ZMAT4: variants seen among roughly 807,000 people sequenced by gnomAD.
ZMAT4 encodes zinc finger matrin-type protein 4.
A neutral mutation model predicts 28.7 loss-of-function variants in ZMAT4; 17 were observed. The ratio of observed to expected loss-of-function variants is 0.59; its 90% confidence interval spans 0.41 to 0.89. ZMAT4 has a LOEUF of 0.89. Ranked by LOEUF, ZMAT4 falls within the 40% of genes least tolerant of loss-of-function variation. ZMAT4 has a pLI of 0.00. For synonymous variants in ZMAT4, 117 were observed against 109.2 expected (o/e 1.07, Z -0.44); for missense variants, 240 against 283.8 (o/e 0.85, Z 1.11).
chr8:40,540,605 G>T (rs80174014), intron 6 of ZMAT4, among the ~76,000 whole-genome samples: 1 of 152,138 alleles, frequency 6.6e-6, no homozygotes, highest in South Asian at 2.1e-4. Context: ...TTCCTTCTAG[G>T]TATTAAACCT....
At chr8:40,710,764 G>A (rs1164351261) in intron 3 of ZMAT4, among the ~76,000 whole-genome samples, 2 of 151,294 alleles carry the variant, frequency 1.3e-5, no homozygotes, top group Non-Finnish European at 2.9e-5. Flanking sequence ...GAGACAATTG[G>A]ATCTTTAAAA....
intron 1 of ZMAT4, among the ~76,000 whole-genome samples, chr8:40,849,858 G>A (rs2150634266): frequency 1.3e-5 from 2 of 152,258 alleles, no homozygotes; most frequent in South Asian, 4.1e-4. Flanking sequence ...AACCTCACTT[G>A]AGCCCAAAGA....
At chr8:40,570,422 C>T (rs527331595) in intron 6 of ZMAT4, among the ~76,000 whole-genome samples, 101 of 152,246 alleles carry the variant, frequency 6.6e-4, no homozygotes, top group African/African-American at 2.3e-3. Flanking sequence ...TGTGGGGCCA[C>T]GTGCAGTGGC....
intron 5 of ZMAT4, among the ~76,000 whole-genome samples, chr8:40,668,035 T>C (rs1808502880): frequency 6.6e-6 from 1 of 152,150 alleles, no homozygotes; most frequent in African/African-American, 2.4e-5. Flanking sequence ...AGTGAATTCA[T>C]TGTATGACAA....
At chr8:40,767,585 G>A (rs1813215739) in intron 3 of ZMAT4, 56 bp downstream of exon 3, 3 of 1,478,148 alleles carry the variant, frequency 2.0e-6, no homozygotes, top group African/African-American at 1.4e-5. Flanking sequence ...CACCTGCAAA[G>A]TTCTCAGTAC....
intron 5 of ZMAT4, among the ~76,000 whole-genome samples, chr8:40,657,383 T>C (rs1807974276): frequency 6.6e-6 from 1 of 152,134 alleles, no homozygotes; most frequent in African/African-American, 2.4e-5. Context: ...AATTCTTTAG[T>C]TTTTGTTGAT....
intron 3 of ZMAT4, among the ~76,000 whole-genome samples, chr8:40,730,215 C>A (rs986497303): frequency 2.0e-5 from 3 of 152,102 alleles, no homozygotes; most frequent in African/African-American, 7.2e-5. Context: ...AATGTTGGCA[C>A]CCTAAAAACA....
chr8:40,767,649 A>G lies in ZMAT4; in HGVS notation c.184T>C (p.Ser62Pro). The change falls in exon 3 of 7, where the codon TCA (serine) becomes CCA (proline). Residue 62 changes from serine to proline, a missense_variant. Physicochemically the swap from Ser to Pro is moderately conservative, Grantham distance 74. Coordinates refer to ENST00000297737, the MANE Select transcript of ZMAT4 (RefSeq NM_024645.3). ...DGGCPAKRLR[S>P]ENGSDADMVD... ...TGGTACCAGATACTCACATTTTCTGACCGGAGCCTCTTGGCAGGACACCCT... is the reference window on the plus strand; with the variant it reads ...TGGTACCAGATACTCACATTTTCTGGCCGGAGCCTCTTGGCAGGACACCCT... The G allele has an allele frequency of 6.2e-7, 1 of 1,612,538 alleles. No homozygotes were observed. The highest frequency in any genetic ancestry group is 8.5e-7 in the Non-Finnish European group (1 of 1,179,426).
intron 1 of ZMAT4, among the ~76,000 whole-genome samples, chr8:40,873,802 C>T (rs1414802511): frequency 6.6e-6 from 1 of 152,156 alleles, no homozygotes; most frequent in Non-Finnish European, 1.5e-5. Flanking sequence ...CGTCCGTCCT[C>T]CTCACTATTT....
chr8:40,682,437 T>C (rs548536532), intron 4 of ZMAT4, among the ~76,000 whole-genome samples: 1 of 152,342 alleles, frequency 6.6e-6, no homozygotes, highest in African/African-American at 2.4e-5. Flanking sequence ...GTTGTCCCAC[T>C]GTTATCACAG....
chr8:40,539,519 C>T (rs1360696556), intron 6 of ZMAT4, among the ~76,000 whole-genome samples: 1 of 152,208 alleles, frequency 6.6e-6, no homozygotes, highest in African/African-American at 2.4e-5. Context: ...TTTAAACTTC[C>T]ATACCAATTG....
At chr8:40,859,068 TC>T (rs1179563366) in intron 1 of ZMAT4, among the ~76,000 whole-genome samples, 2 of 152,234 alleles carry the variant, frequency 1.3e-5, no homozygotes, top group African/African-American at 4.8e-5. Context: ...AAATGCTGTT[TC>T]TTCCCCAGCT....
chr8:40,847,036 A>G (rs971749722), intron 1 of ZMAT4, among the ~76,000 whole-genome samples: 16 of 151,994 alleles, frequency 1.1e-4, no homozygotes, highest in African/African-American at 3.9e-4. Context: ...GTGAAATCCC[A>G]TCTCTACTAT....
chr8:40,615,426 G>T (rs1441596625), intron 5 of ZMAT4, among the ~76,000 whole-genome samples: 3 of 152,140 alleles, frequency 2.0e-5, no homozygotes, highest in African/African-American at 7.2e-5. Flanking sequence ...TTCTCGAGAA[G>T]TATCTTTGTG....
At chr8:40,880,716 C>T (rs1818191919) in intron 1 of ZMAT4, among the ~76,000 whole-genome samples, 1 of 152,150 alleles carries the variant, frequency 6.6e-6, no homozygotes, top group Non-Finnish European at 1.5e-5. Context: ...GGACTCCACG[C>T]TTGGCTCCAA....
intron 4 of ZMAT4, among the ~76,000 whole-genome samples, chr8:40,695,372 C>T (rs1383930819): frequency 1.3e-5 from 2 of 152,164 alleles, no homozygotes; most frequent in Non-Finnish European, 2.9e-5. Flanking sequence ...ATCCTTTCTG[C>T]TCAAAGCAGT....
chr8:40,587,911 A>G (rs1804720778), intron 5 of ZMAT4, among the ~76,000 whole-genome samples: 1 of 152,066 alleles, frequency 6.6e-6, no homozygotes, highest in South Asian at 2.1e-4. Flanking sequence ...GGATAGAAAA[A>G]GACATCCTAT....
intron 2 of ZMAT4, among the ~76,000 whole-genome samples, chr8:40,782,705 G>C (rs891598217): frequency 7.9e-5 from 12 of 152,168 alleles, no homozygotes; most frequent in Non-Finnish European, 1.3e-4. Context: ...ATCAGAACAA[G>C]GGATTTATAG....
At chr8:40,585,555 C>T (rs976675056) in intron 5 of ZMAT4, among the ~76,000 whole-genome samples, 1 of 152,062 alleles carries the variant, frequency 6.6e-6, no homozygotes, top group African/African-American at 2.4e-5. Flanking sequence ...CTTTTGGGAA[C>T]TTAAATTTGT....
Sources: gnomAD v4.1 joint callset for allele counts (sites outside exome capture counted in the v4.1 genomes callset) on GRCh38, gnomAD v4.1.1 for gene constraint, MANE v1.5 for transcripts, NCBI Gene and HGNC (gene_info 2026-07-23, HGNC 2026-07-21) for gene names.